LMOD3: variants seen among roughly 807,000 people sequenced by gnomAD.
The protein encoded by LMOD3 is leiomodin 3.
In LMOD3, 31 loss-of-function variants were observed where a neutral mutation model predicts 41.8. That is an observed-to-expected ratio of 0.74 (90% CI 0.56 to 1.00). LMOD3 has a LOEUF of 1.00. Among genes scored for constraint, LMOD3 ranks in the 50% least tolerant of loss-of-function variants. The pLI is 0.00. For missense variants in LMOD3, 755 were observed against 679.5 expected (o/e 1.11, Z -1.23); for synonymous variants, 292 against 241.9 (o/e 1.21, Z -1.92).
rs1180785944 is a variant in LMOD3 at position 69,118,994 on chromosome 3, G to A, written c.1361C>T (p.Pro454Leu). Residue 454 changes from proline (P) to leucine (L), a missense_variant, in exon 2 of 3, where the codon CCT (proline) becomes CTT (leucine). Coordinates refer to ENST00000420581, the MANE Select transcript of LMOD3 (RefSeq NM_198271.5). The stretch of plus-strand genomic sequence containing the variant: ...AAAGGGGACATTTTGGGGGTTGGGA[G>A]GCCGAGGTGGCGGTGGCTGGAAGAA... ...QEFFQPPPPR[P>L]PNPQNVPFSQ... The A allele has an allele frequency of 4.3e-6, 7 of 1,613,586 alleles. No homozygotes were observed. Among genetic ancestry groups the A allele is most frequent in the East Asian group, 4.5e-5 (2 of 44,858 alleles).
chr3:69,116,476 TA>T (rs1413078906), intron 2 of LMOD3, among the ~76,000 whole-genome samples: 1 of 152,254 alleles, frequency 6.6e-6, no homozygotes, highest in Non-Finnish European at 1.5e-5. Flanking sequence ...TTTCTTGAAT[TA>T]TTTTTTTTAA....
Position 69,122,258 on chromosome 3 carries a change from G to A in LMOD3, c.129C>T (p.Ala43=), listed in dbSNP as rs201709177. 1,373 of 1,613,394 alleles carry A rather than the reference G, an allele frequency of 8.5e-4. 2 individuals are homozygous for A. Among genetic ancestry groups the A allele is most frequent in the Non-Finnish European group, 1.1e-3 (1,296 of 1,179,784 alleles). Residue 43 remains alanine, a synonymous_variant, in exon 1 of 3, where the codon GCC becomes GCT. Coordinates refer to ENST00000420581, the MANE Select transcript of LMOD3 (RefSeq NM_198271.5). The part of the protein sequence containing the change: ...KELQSEMEVM[A]PDPSLPVGMI... Reference sequence around the variant, plus strand: ...TTCCCACGGGAAGGCTGGGGTCAGGGGCCATGACTTCCATTTCCGACTGCA... The same window carrying A: ...TTCCCACGGGAAGGCTGGGGTCAGGAGCCATGACTTCCATTTCCGACTGCA...
rs72924865 is a variant in LMOD3 at position 69,108,999 on chromosome 3, G to A, written c.*96C>T. 10,172 of 1,087,860 alleles carry A rather than the reference G, an allele frequency of 9.4e-3. 412 individuals carry two copies. In the African/African-American group the frequency reaches 0.096, roughly 10 times the overall value. The allele number at this position is 1,087,860 out of a possible 1,614,324, so 67.4% of individuals were successfully genotyped here. A position where few individuals can be genotyped will look rare whatever the true frequency, so the allele number is the denominator to read the frequency against. ...GTAGCATTGTTTCCAGTTCTGCCAC[G>A]TGGATCCTAAAGTATTGCTGCTGAC... On this transcript the variant is annotated 3_prime_UTR_variant, in exon 3 of 3. Coordinates refer to ENST00000420581, the MANE Select transcript of LMOD3 (RefSeq NM_198271.5).
chr3:69,110,853 A>AAAAAAAATAT (rs1458630453), intron 2 of LMOD3, among the ~76,000 whole-genome samples: 2 of 104,166 alleles, frequency 1.9e-5, no homozygotes, highest in African/African-American at 9.6e-5. Context: ...AAAAAAAAAA[A>AAAAAAAATAT]ATATATATAT....
intron 2 of LMOD3, among the ~76,000 whole-genome samples, chr3:69,115,483 A>AACACACACAC (rs10604147): frequency 1.1e-3 from 163 of 145,022 alleles, no homozygotes; most frequent in African/African-American, 3.8e-3. Context: ...TCCTGCCTCA[A>AACACACACAC]ACACACACAC....
At chr3:69,117,414 G>T (rs762101955) in intron 2 of LMOD3, among the ~76,000 whole-genome samples, 31 of 152,172 alleles carry the variant, frequency 2.0e-4, no homozygotes, top group Non-Finnish European at 4.3e-4. Flanking sequence ...ATGAATCTGT[G>T]TAACAAAATA....
chr3:69,116,766 A>T (rs1157951180), intron 2 of LMOD3, among the ~76,000 whole-genome samples: 1 of 152,176 alleles, frequency 6.6e-6, no homozygotes. Flanking sequence ...CCTGACATAT[A>T]TATTTGTTAG....
Position 69,119,041 on chromosome 3 carries a change from C to G in LMOD3, c.1314G>C (p.Lys438Asn), listed in dbSNP as rs2092391829. 3 of 1,613,698 alleles carry G rather than the reference C, an allele frequency of 1.9e-6. No homozygotes were observed. The East Asian group carries it at 6.7e-5, about 36-fold the overall frequency. The change falls in exon 2 of 3, where the codon AAG becomes AAC. Residue 438 changes from lysine (K) to asparagine (N), a missense_variant. Lys to Asn is a moderately conservative substitution (Grantham distance 94). Coordinates refer to ENST00000420581, the MANE Select transcript of LMOD3 (RefSeq NM_198271.5). Reference protein sequence around the residue: ...PGMWELLGGPKPDSRMQEFFQ... With the variant: ...PGMWELLGGPNPDSRMQEFFQ... ...AGAATTCCTGCATTCTGGAATCTGG[C>G]TTGGGTCCTCCCAACAGCTCCCACA...
In LMOD3 at chr3:69,107,479, T is replaced by G. The variant is rs1186784686; in HGVS notation, c.*1616A>C. The G allele has an allele frequency of 2.7e-5, 3 of 112,848 alleles. No homozygotes were observed. Among genetic ancestry groups the G allele is most frequent in the African/African-American group, 7.8e-5 (2 of 25,794 alleles). The allele number at this position is 112,848 out of a possible 1,614,324, so 7.0% of individuals were successfully genotyped here. A position where few individuals can be genotyped will look rare whatever the true frequency, so the allele number is the denominator to read the frequency against. On this transcript the variant is annotated 3_prime_UTR_variant, in exon 3 of 3. Coordinates refer to ENST00000420581, the MANE Select transcript of LMOD3 (RefSeq NM_198271.5). Reference sequence around the variant, plus strand: ...TTTTTTTTTTTTTTTTTTTTTTTTTTTTTTTTTTTTTTTTTGAGATGGAGT... The same window carrying G: ...TTTTTTTTTTTTTTTTTTTTTTTTTGTTTTTTTTTTTTTTTGAGATGGAGT...
rs1363788978 is a variant in LMOD3 at position 69,122,127 on chromosome 3, T to C, written c.260A>G (p.Glu87Gly). 6.2e-7 allele frequency: 1 copy of C among 1,612,582 alleles called. No homozygotes were observed. Among genetic ancestry groups the C allele is most frequent in the East Asian group, 2.2e-5 (1 of 44,802 alleles). ...CACAAAGGTGACAGGAACTCGTTCCTCTTCCAGCATGCGCCTGGATGCCTT... is the reference window on the plus strand; with the variant it reads ...CACAAAGGTGACAGGAACTCGTTCCCCTTCCAGCATGCGCCTGGATGCCTT... ...WEKASRRMLE[E>G]ERVPVTFVKS... Residue 87 changes from glutamate to glycine, a missense_variant, in exon 1 of 3, where the codon GAG becomes GGG. Physicochemically the swap from Glu to Gly is moderately conservative, Grantham distance 98 (BLOSUM62 -2). Coordinates refer to ENST00000420581, the MANE Select transcript of LMOD3 (RefSeq NM_198271.5).
intron 2 of LMOD3, among the ~76,000 whole-genome samples, chr3:69,116,137 G>T (rs1051556295): frequency 2.0e-5 from 3 of 152,108 alleles, no homozygotes; most frequent in African/African-American, 4.8e-5. Flanking sequence ...CTATGTTTTG[G>T]CTTTAAAGCA....
At position 69,106,357 on chromosome 3, in the gene LMOD3, A is replaced by T. The variant is rs756950189; in HGVS notation, c.*2738T>A. ...ATCCAATAAATTTGGAGAAACTAAT[A>T]AAAAAAAAGATACCTGTAATTACTA... On this transcript the variant is annotated 3_prime_UTR_variant, in exon 3 of 3. Transcript: ENST00000420581. Among the ~76,000 whole-genome samples the T allele has an allele frequency of 2.0e-5, 3 of 150,282 alleles. No individual in the cohort carries two copies. The highest frequency in any genetic ancestry group is 2.9e-5 in the Non-Finnish European group (2 of 67,868).
At position 69,119,847 on chromosome 3, in the gene LMOD3, T is replaced by A; in HGVS notation, c.508A>T (p.Asn170Tyr). Residue 170 changes from asparagine (N) to tyrosine (Y), a missense_variant, in exon 2 of 3, where the codon AAC (asparagine) becomes TAC (tyrosine). Coordinates refer to ENST00000420581, the MANE Select transcript of LMOD3 (RefSeq NM_198271.5). ...EDDGEESEETNREEEGKAKEQ... is the reference protein window; with the variant it reads ...EDDGEESEETYREEEGKAKEQ... Reference sequence around the variant, plus strand: ...TTTGCTTTGCCTTCCTCTTCTCTGTTCGTTTCTTCACTCTCTTCACCATCA... The same window carrying A: ...TTTGCTTTGCCTTCCTCTTCTCTGTACGTTTCTTCACTCTCTTCACCATCA... 1 of 1,564,466 alleles carries A rather than the reference T, an allele frequency of 6.4e-7. No individual in the cohort carries two copies. The highest frequency in any genetic ancestry group is 1.2e-5 in the South Asian group (1 of 85,950).
chr3:69,110,651 T>G (rs2092344657), intron 2 of LMOD3, among the ~76,000 whole-genome samples: 1 of 146,538 alleles, frequency 6.8e-6, no homozygotes, highest in South Asian at 2.3e-4. Context: ...AAGACAAGCC[T>G]GGCCAACAGG....
chr3:69,109,782 G>A (rs568454479), intron 2 of LMOD3, among the ~76,000 whole-genome samples: 1 of 151,972 alleles, frequency 6.6e-6, no homozygotes, highest in East Asian at 1.9e-4. Flanking sequence ...ACTTGCTTCG[G>A]ACTCTCAAAG....
intron 2 of LMOD3, among the ~76,000 whole-genome samples, chr3:69,116,453 T>G (rs2107524283): frequency 6.6e-6 from 1 of 152,342 alleles, no homozygotes; most frequent in East Asian, 1.9e-4. Flanking sequence ...CAGAGTTCAC[T>G]TTGCGGCATG....
intron 2 of LMOD3, among the ~76,000 whole-genome samples, chr3:69,110,075 G>A (rs2092341102): frequency 6.6e-6 from 1 of 151,964 alleles, no homozygotes; most frequent in Non-Finnish European, 1.5e-5. Context: ...CTAATCTGAT[G>A]GTCAGAAATA....
rs915608377 is a variant in LMOD3 at position 69,119,118 on chromosome 3, G to A, written c.1237C>T (p.Gln413Ter). ...EEQKQQQLKE[Q>*]KKLIAMLENG... ...TCTAACATGGCTATCAGCTTCTTCT[G>A]TTCCTTGAGTTGCTGCTGTTTTTGC... Residue 413 changes from glutamine to a stop codon, truncating the protein, a stop_gained, in exon 2 of 3, where the codon CAG becomes TAG. Transcript: ENST00000420581. LOFTEE classifies it high-confidence loss of function. The A allele has an allele frequency of 2.5e-6, 4 of 1,613,652 alleles. No homozygotes were observed. The highest frequency in any genetic ancestry group is 3.4e-6 in the Non-Finnish European group (4 of 1,179,858).
At chr3:69,120,153 A>G in intron 1 of LMOD3, 93 bp from the exon 2 acceptor site, 1 of 1,374,612 alleles carries the variant, frequency 7.3e-7, no homozygotes, top group South Asian at 1.8e-5. Context: ...ATGCTTATTT[A>G]AAAGAGCTGG....
Sources: gnomAD v4.1 joint callset for allele counts (sites outside exome capture counted in the v4.1 genomes callset) on GRCh38, gnomAD v4.1.1 for gene constraint, MANE v1.5 for transcripts, NCBI Gene and HGNC (gene_info 2026-07-23, HGNC 2026-07-21) for gene names.